Variants in NKAIN2 observed in about 807,000 individuals in gnomAD.
NKAIN2 encodes the protein sodium/potassium-transporting ATPase subunit beta-1-interacting protein 2.
NKAIN2 carries 14 observed loss-of-function variants against 32.6 expected under a neutral mutation model. The observed-to-expected ratio is 0.43, with a 90% CI of 0.28 to 0.67. The LOEUF (loss-of-function observed/expected upper bound fraction) is 0.67, where lower values mean the gene tolerates loss of function less well. Ranked by LOEUF, NKAIN2 falls within the 30% of genes least tolerant of loss-of-function variation. The pLI is 0.17. For missense variants in NKAIN2, 198 were observed against 258.3 expected (o/e 0.77, Z 1.60); for synonymous variants, 80 against 87.2 (o/e 0.92, Z 0.46).
At chr6:123,938,488 A>T (rs982656997) in intron 1 of NKAIN2, among the ~76,000 whole-genome samples, 20 of 134,136 alleles carry the variant, frequency 1.5e-4, no homozygotes, top group Non-Finnish European at 2.8e-4. Context: ...CATAATATAT[A>T]ATATATATTT....
chr6:124,024,626 T>C, intron 1 of NKAIN2, among the ~76,000 whole-genome samples: 1 of 94,046 alleles, frequency 1.1e-5, no homozygotes, highest in Middle Eastern at 5.9e-3. Context: ...TTATCAGTTA[T>C]GTTATAATAG....
At chr6:124,076,507 G>C (rs541105458) in intron 1 of NKAIN2, among the ~76,000 whole-genome samples, 1 of 152,310 alleles carries the variant, frequency 6.6e-6, no homozygotes, top group East Asian at 1.9e-4. Context: ...AAAGATAAGA[G>C]AAAGTCAAGA....
At chr6:124,457,619 C>T (rs1188078851) in intron 3 of NKAIN2, among the ~76,000 whole-genome samples, 2 of 151,938 alleles carry the variant, frequency 1.3e-5, no homozygotes, top group Non-Finnish European at 2.9e-5. Flanking sequence ...CGCATATGTT[C>T]TGAGGCTAAG....
intron 1 of NKAIN2, among the ~76,000 whole-genome samples, chr6:123,948,998 C>T (rs1287094305): frequency 6.6e-6 from 1 of 151,934 alleles, no homozygotes; most frequent in Non-Finnish European, 1.5e-5. Flanking sequence ...ATTTTCTCAG[C>T]ACCATTTATT....
intron 3 of NKAIN2, among the ~76,000 whole-genome samples, chr6:124,434,291 C>T (rs901599113): frequency 6.6e-6 from 1 of 152,128 alleles, no homozygotes; most frequent in African/African-American, 2.4e-5. Context: ...GCAGGGGACA[C>T]ACATCAGTAC....
chr6:124,172,273 A>G (rs1788932420), intron 1 of NKAIN2, among the ~76,000 whole-genome samples: 1 of 152,228 alleles, frequency 6.6e-6, no homozygotes, highest in Admixed American at 6.5e-5. Flanking sequence ...TTGTTATATC[A>G]AAACCAGTAT....
intron 3 of NKAIN2, among the ~76,000 whole-genome samples, chr6:124,527,175 A>G (rs1455197565): frequency 2.0e-5 from 3 of 152,194 alleles, no homozygotes; most frequent in African/African-American, 4.8e-5. Context: ...CACTGGATGC[A>G]TAGTCAATAT....
chr6:123,990,145 C>T (rs957067199), intron 1 of NKAIN2, among the ~76,000 whole-genome samples: 27 of 152,236 alleles, frequency 1.8e-4, no homozygotes, highest in Non-Finnish European at 3.4e-4. Context: ...GAGACTCACT[C>T]ACTATCATGA....
intron 3 of NKAIN2, among the ~76,000 whole-genome samples, chr6:124,400,289 G>A (rs186594774): frequency 1.0e-3 from 153 of 151,748 alleles, no homozygotes; most frequent in Admixed American, 1.9e-3. Flanking sequence ...ATTTTAGTAC[G>A]CAGCCAGAGT....
intron 4 of NKAIN2, among the ~76,000 whole-genome samples, chr6:124,751,698 G>A (rs1486482112): frequency 6.6e-6 from 1 of 151,746 alleles, no homozygotes; most frequent in Non-Finnish European, 1.5e-5. Context: ...AGAGATTTAG[G>A]CCAGGCACCA....
At chr6:124,675,018 A>T (rs1773286680) in intron 4 of NKAIN2, among the ~76,000 whole-genome samples, 1 of 151,964 alleles carries the variant, frequency 6.6e-6, no homozygotes, top group Admixed American at 6.6e-5. Context: ...TTCTTGTTTT[A>T]CTGGCATAAT....
At chr6:124,303,322 T>C (rs1373757849) in intron 2 of NKAIN2, among the ~76,000 whole-genome samples, 2 of 152,128 alleles carry the variant, frequency 1.3e-5, no homozygotes, top group African/African-American at 4.8e-5. Flanking sequence ...ATCCAGTTTG[T>C]TGGTGATGGG....
chr6:124,623,370 A>T (rs1169685074), intron 3 of NKAIN2, among the ~76,000 whole-genome samples: 1 of 152,284 alleles, frequency 6.6e-6, no homozygotes, highest in Non-Finnish European at 1.5e-5. Context: ...AGAGCAGGAA[A>T]CTCTCTATGC....
At chr6:124,696,719 T>C (rs575689545) in intron 4 of NKAIN2, among the ~76,000 whole-genome samples, 30 of 152,274 alleles carry the variant, frequency 2.0e-4, no homozygotes, top group African/African-American at 6.5e-4. Flanking sequence ...AATTGATATG[T>C]TGTTTTCTGC....
intron 1 of NKAIN2, among the ~76,000 whole-genome samples, chr6:124,011,699 C>G (rs967392840): frequency 6.6e-6 from 1 of 152,108 alleles, no homozygotes; most frequent in Non-Finnish European, 1.5e-5. Flanking sequence ...TTGGCCTTTT[C>G]CTCTCTTTTT....
intron 1 of NKAIN2, among the ~76,000 whole-genome samples, chr6:124,247,522 A>AGAAT (rs368748599): frequency 6.8e-4 from 104 of 152,266 alleles, no homozygotes; most frequent in African/African-American, 2.3e-3. Context: ...TTGGTATATC[A>AGAAT]GAATGTGAAA....
intron 1 of NKAIN2, among the ~76,000 whole-genome samples, chr6:124,112,363 T>A (rs566842065): frequency 6.6e-6 from 1 of 152,264 alleles, no homozygotes; most frequent in South Asian, 2.1e-4. Context: ...ATTTTTCTTT[T>A]TCCTTCAGCA....
chr6:123,933,109 A>C (rs1776332378), intron 1 of NKAIN2, among the ~76,000 whole-genome samples: 1 of 152,230 alleles, frequency 6.6e-6, no homozygotes, highest in Non-Finnish European at 1.5e-5. Flanking sequence ...TGCAGGGCCC[A>C]GTGAAGAATG....
chr6:123,847,276 G>A (rs1775132489), intron 1 of NKAIN2, among the ~76,000 whole-genome samples: 2 of 152,208 alleles, frequency 1.3e-5, no homozygotes, highest in African/African-American at 4.8e-5. Flanking sequence ...TGGTGGAAAG[G>A]GATTAGATCT....
Sources: allele counts gnomAD v4.1 joint callset (sites outside exome capture counted in the v4.1 genomes callset), GRCh38; gene constraint gnomAD v4.1.1; transcripts MANE v1.5; gene names NCBI Gene and HGNC (gene_info 2026-07-23, HGNC 2026-07-21).